MACROD2: variants seen among roughly 807,000 people sequenced by gnomAD.
MACROD2 encodes the protein mono-ADP ribosylhydrolase 2.
Under a neutral mutation model 70.4 loss-of-function variants are expected in MACROD2, and 36 were observed. That is an observed-to-expected ratio of 0.51 (90% CI 0.39 to 0.68). The LOEUF (loss-of-function observed/expected upper bound fraction) is 0.68. Among genes scored for constraint, MACROD2 ranks in the 30% least tolerant of loss-of-function variants. The probability of loss-of-function intolerance (pLI) is 0.00; values close to 1 mark genes in which losing one functional copy is unlikely to be tolerated. For missense variants in MACROD2, 496 were observed against 538.4 expected (o/e 0.92, Z 0.78); for synonymous variants, 172 against 178.8 (o/e 0.96, Z 0.30).
Position 15,713,232 on chromosome 20 carries a change from A to G in MACROD2, c.646-149513A>G, listed in dbSNP as rs139966683. On this transcript the variant is annotated intron_variant, in intron 8 of 17. Coordinates refer to ENST00000684519, the MANE Select transcript of MACROD2 (RefSeq NM_001351661.2). ...GGATTTTCAAAGATATAGAGTCTGTATCTCAGAGTTTAAAAAAGACCATTG... is the reference window on the plus strand; with the variant it reads ...GGATTTTCAAAGATATAGAGTCTGTGTCTCAGAGTTTAAAAAAGACCATTG... 4.9e-4 allele frequency among the ~76,000 whole-genome samples: 74 copies of G among 152,354 alleles called. No homozygotes were observed. In the East Asian group the frequency reaches 0.013, roughly 27 times the overall value.
At chr20:15,483,987 A>G (rs1186974843) in intron 7 of MACROD2, among the ~76,000 whole-genome samples, 1 of 151,912 alleles carries the variant, frequency 6.6e-6, no homozygotes, top group Admixed American at 6.6e-5. Flanking sequence ...TACATAGACA[A>G]TCATGTCATC....
intron 15 of MACROD2, among the ~76,000 whole-genome samples, chr20:16,033,141 TA>T (rs1301515482): frequency 6.6e-6 from 1 of 152,104 alleles, no homozygotes; most frequent in African/African-American, 2.4e-5. Flanking sequence ...GACTTTTAAA[TA>T]AAGACTGGAC....
At chr20:14,219,469 T>C (rs1403846326) in intron 3 of MACROD2, among the ~76,000 whole-genome samples, 1 of 152,224 alleles carries the variant, frequency 6.6e-6, no homozygotes, top group African/African-American at 2.4e-5. Flanking sequence ...TACATTGGGC[T>C]TCGCCTTTCT....
At chr20:14,742,882 T>G (rs1030437383) in intron 5 of MACROD2, among the ~76,000 whole-genome samples, 7 of 151,472 alleles carry the variant, frequency 4.6e-5, no homozygotes, top group Non-Finnish European at 8.9e-5. Flanking sequence ...TTCTCCTGCC[T>G]CAGCCTCCCA....
chr20:16,040,552 A>G (rs1236228145), intron 15 of MACROD2, among the ~76,000 whole-genome samples: 1 of 151,996 alleles, frequency 6.6e-6, no homozygotes, highest in East Asian at 1.9e-4. Flanking sequence ...AAATGTTTTT[A>G]CAATATGAAA....
At chr20:15,131,935 T>G (rs1330444654) in intron 5 of MACROD2, among the ~76,000 whole-genome samples, 2 of 152,050 alleles carry the variant, frequency 1.3e-5, no homozygotes, top group Non-Finnish European at 2.9e-5. Context: ...TACTCATATA[T>G]TGAGTTACTA....
At chr20:15,781,744 A>G (rs1297358823) in intron 8 of MACROD2, among the ~76,000 whole-genome samples, 1 of 152,166 alleles carries the variant, frequency 6.6e-6, no homozygotes, top group African/African-American at 2.4e-5. Context: ...GACACAGTCA[A>G]ATCATAGCAG....
At chr20:14,740,708 A>G (rs752149182) in intron 5 of MACROD2, among the ~76,000 whole-genome samples, 2 of 152,078 alleles carry the variant, frequency 1.3e-5, no homozygotes, top group Non-Finnish European at 2.9e-5. Flanking sequence ...TGCTGTCTCA[A>G]TATAGGAATA....
rs560674774 is a variant in MACROD2, at chr20:15,099,402, C to T, written c.419-130538C>T. On this transcript the variant is annotated intron_variant, in intron 5 of 17. Transcript: ENST00000684519. The stretch of plus-strand genomic sequence containing the variant: ...AACAAGAAAAAAATCTCTCTCTCCA[C>T]ACACCTGCAACAAGGAGAGGCCATG... 2.0e-5 allele frequency among the ~76,000 whole-genome samples: 3 copies of T among 152,246 alleles called. No individual in the cohort carries two copies. The South Asian group carries it at 6.2e-4, about 32-fold the overall frequency.
At chr20:14,465,438 T>C (rs1269396177) in intron 3 of MACROD2, among the ~76,000 whole-genome samples, 3 of 152,102 alleles carry the variant, frequency 2.0e-5, no homozygotes, top group Non-Finnish European at 1.5e-5. Flanking sequence ...TTTCTGCACA[T>C]GAGATGGGTT....
intron 2 of MACROD2, among the ~76,000 whole-genome samples, chr20:14,004,492 A>G (rs2052783100): frequency 6.6e-6 from 1 of 152,186 alleles, no homozygotes; most frequent in Non-Finnish European, 1.5e-5. Context: ...ACTCTGGTGA[A>G]TGGCCTCTTC....
At chr20:15,300,172 A>G (rs2077628639) in intron 6 of MACROD2, among the ~76,000 whole-genome samples, 1 of 152,078 alleles carries the variant, frequency 6.6e-6, no homozygotes, top group South Asian at 2.1e-4. Flanking sequence ...TTATTAATGT[A>G]GCTTAAGACC....
At chr20:15,913,598 GTGCTTGTT>G (rs1047360983) in intron 10 of MACROD2, among the ~76,000 whole-genome samples, 9 of 152,184 alleles carry the variant, frequency 5.9e-5, no homozygotes, top group Admixed American at 5.9e-4. Flanking sequence ...AGTTTGGAAT[GTGCTTGTT>G]TGTTTGTGTC....
chr20:14,147,936 T>A (rs2148709534), intron 3 of MACROD2, among the ~76,000 whole-genome samples: 1 of 152,304 alleles, frequency 6.6e-6, no homozygotes, highest in African/African-American at 2.4e-5. Flanking sequence ...TTATGTATAG[T>A]GAAAAGCTTC....
chr20:14,663,722 A>G (rs2070704411), intron 4 of MACROD2, among the ~76,000 whole-genome samples: 1 of 152,040 alleles, frequency 6.6e-6, no homozygotes, highest in African/African-American at 2.4e-5. Context: ...TTTAAAAATA[A>G]ATTATGTAAA....
chr20:16,024,880 G>C (rs1601340846), intron 15 of MACROD2, among the ~76,000 whole-genome samples: 1 of 152,206 alleles, frequency 6.6e-6, no homozygotes, highest in East Asian at 1.9e-4. Context: ...ACTCTGCTGG[G>C]TTTTTTTCCT....
At chr20:14,026,082 C>G (rs1013061027) in intron 2 of MACROD2, among the ~76,000 whole-genome samples, 9 of 152,074 alleles carry the variant, frequency 5.9e-5, no homozygotes, top group Non-Finnish European at 1.3e-4. Context: ...TGCATTGATC[C>G]CTTTACCATT....
At chr20:15,254,662 A>G (rs1441648043) in intron 6 of MACROD2, among the ~76,000 whole-genome samples, 1 of 152,188 alleles carries the variant, frequency 6.6e-6, no homozygotes, top group Non-Finnish European at 1.5e-5. Context: ...TCCTTCATTC[A>G]TCTAACAAAC....
At chr20:15,791,038 T>A (rs1046142893) in intron 8 of MACROD2, among the ~76,000 whole-genome samples, 1 of 151,964 alleles carries the variant, frequency 6.6e-6, no homozygotes, top group Non-Finnish European at 1.5e-5. Flanking sequence ...ATTTTTATTA[T>A]GCTTCATTTT....
Sources: allele counts gnomAD v4.1 joint callset (sites outside exome capture counted in the v4.1 genomes callset), GRCh38; gene constraint gnomAD v4.1.1; transcripts MANE v1.5; gene names NCBI Gene and HGNC (gene_info 2026-07-23, HGNC 2026-07-21).